The following MAN1B1 variants were observed in gnomAD, a reference collection of about 807,000 sequenced individuals.
The protein encoded by MAN1B1 is mannosidase alpha class 1B member 1, also known as endoplasmic reticulum mannosyl-oligosaccharide 1,2-alpha-mannosidase.
In MAN1B1, 66 loss-of-function variants were observed where a neutral mutation model predicts 75.5. The ratio of observed to expected loss-of-function variants is 0.87; its 90% confidence interval spans 0.72 to 1.07. The LOEUF (loss-of-function observed/expected upper bound fraction) is 1.07, where lower values mean the gene tolerates loss of function less well. MAN1B1 is among the 50% of genes least tolerant of loss of function. MAN1B1 has a pLI of 0.00. For missense variants in MAN1B1, 973 were observed against 912.5 expected, an observed-to-expected ratio of 1.07 and a Z score of -0.85; for synonymous variants, 453 against 382.8, an observed-to-expected ratio of 1.18 and a Z score of -2.14.
rs1351248313 is a variant in MAN1B1 at position 137,096,219 on chromosome 9, T to G, written c.466-18T>G. On this transcript the variant is annotated intron_variant, in intron 3 of 12. Transcript: ENST00000371589. ...CGCAGACACCCCGTGATTTCCTGTG[T>G]GACCAATTTCTCTACAGAAGACACA... 6.2e-7 allele frequency: 1 copy of G among 1,613,966 alleles called. No homozygotes were observed. Among genetic ancestry groups the G allele is most frequent in the South Asian group, 1.1e-5 (1 of 91,084 alleles).
intron 3 of MAN1B1, among the ~76,000 whole-genome samples, chr9:137,091,675 C>T (rs1434137941): frequency 5.3e-5 from 8 of 151,792 alleles, no homozygotes; most frequent in Non-Finnish European, 7.4e-5. Context: ...TACAGGTGCC[C>T]GCCACCACGC....
At chr9:137,108,121 GC>G (rs1288739093) in intron 12 of MAN1B1, 2 of 610,720 alleles carry the variant, frequency 3.3e-6, no homozygotes, top group Non-Finnish European at 5.8e-6. Flanking sequence ...TGTGCCCTGT[GC>G]CCTGTGCGGC....
In MAN1B1 at chr9:137,108,350, G is replaced by GC. The variant is rs765143161; in HGVS notation, c.1897-32dup. The GC allele has an allele frequency of 1.5e-5, 24 of 1,550,794 alleles. No homozygotes were observed. In the African/African-American group the frequency reaches 2.0e-4, roughly 13 times the overall value. On this transcript the variant is annotated intron_variant, in intron 12 of 12. Coordinates refer to ENST00000371589, the MANE Select transcript of MAN1B1 (RefSeq NM_016219.5). ...GATGAGGCTGAGGGGGGTGCAGGGT[G>GC]CCCCCCGTGTGGTGACGAGGCCCTG...
At chr9:137,103,327 T>G (rs1830957876) in intron 8 of MAN1B1, 18 of 438,744 alleles carry the variant, frequency 4.1e-5, no homozygotes, top group South Asian at 2.9e-4. Context: ...TGCAGGTCGG[T>G]GGTGTTACAC....
At chr9:137,095,122 A>T (rs1415171402) in intron 3 of MAN1B1, among the ~76,000 whole-genome samples, 3 of 151,888 alleles carry the variant, frequency 2.0e-5, no homozygotes, top group Non-Finnish European at 4.4e-5. Context: ...CAGGAGGTGG[A>T]GGTTGCAGTG....
Position 137,108,146 on chromosome 9 carries a change from CCT to C in MAN1B1, c.1897-241_1897-240del, listed in dbSNP as rs1414379283. ...GCCCTGTGCGGCAACTGTGAGGCCC[CCT>C]GAGCCCAGGTTCTGGGGGAGGCGGT... On this transcript the variant is annotated intron_variant, in intron 12 of 12. Coordinates refer to ENST00000371589, the MANE Select transcript of MAN1B1 (RefSeq NM_016219.5). 130 of 612,744 alleles carry C rather than the reference CCT, an allele frequency of 2.1e-4. 1 individual carries two copies. The South Asian group carries it at 2.3e-3, about 11-fold the overall frequency. 38.0% of individuals were successfully genotyped at this position (612,744 alleles called of 1,614,324 possible).
Position 137,107,622 on chromosome 9 carries a change from G to C in MAN1B1, c.1856G>C (p.Trp619Ser). 6.2e-7 allele frequency: 1 copy of C among 1,610,852 alleles called. No individual in the cohort carries two copies. Among genetic ancestry groups the C allele is most frequent in the Non-Finnish European group, 8.5e-7 (1 of 1,179,962 alleles). ...ACAGGGGACCGCAAATACCAGGACT[G>C]GGGCTGGGAGATTCTGCAGAGCTTC... ...RVTGDRKYQD[W>S]GWEILQSFSR... The change falls in exon 12 of 13, where the codon TGG becomes TCG. Residue 619 changes from tryptophan (W) to serine (S), a missense_variant. By Grantham distance (177) the Trp-to-Ser change is radical. Transcript: ENST00000371589.
chr9:137,088,058 C>T lies in MAN1B1; in HGVS notation c.220-17C>T, dbSNP rs751345474. The T allele has an allele frequency of 1.3e-5, 20 of 1,586,208 alleles. No individual in the cohort carries two copies. Among genetic ancestry groups the T allele is most frequent in the Non-Finnish European group, 1.7e-5 (20 of 1,154,630 alleles). ...GATATATTCAGTAAGAAATGTCATT[C>T]TCTGTACCTCCCTTAGAAATGGAAG... On this transcript the variant is annotated splice_polypyrimidine_tract_variant and intron_variant, in intron 1 of 12. Transcript: ENST00000371589.
chr9:137,088,210 C>G (rs751671591), intron 2 of MAN1B1, 27 bp downstream of exon 2: 1 of 1,613,832 alleles, frequency 6.2e-7, no homozygotes, highest in African/African-American at 1.3e-5. Flanking sequence ...TACTTGAAAA[C>G]GATATCTGTG....
chr9:137,101,128 G>C lies in MAN1B1; in HGVS notation c.1040G>C (p.Gly347Ala), dbSNP rs1329197260. Residue 347 changes from glycine to alanine, a missense_variant, in exon 7 of 13, where the codon GGG becomes GCG. Transcript: ENST00000371589. ...CTCCTGAGTGCCTACCACCTGTCTG[G>C]GGACAGCCTCTTCCTGAGGAAAGCT... ...GGLLSAYHLS[G>A]DSLFLRKAED... 6.2e-7 allele frequency: 1 copy of C among 1,613,908 alleles called. No homozygotes were observed. The highest frequency in any genetic ancestry group is 8.5e-7 in the Non-Finnish European group (1 of 1,180,022).
rs73668395 is a variant in MAN1B1 at position 137,102,382 on chromosome 9, G to T, written c.1254+710G>T. On this transcript the variant is annotated intron_variant, in intron 8 of 12. Transcript: ENST00000371589. ...ACATTCACGCTGTTGCAGACGTGCA[G>T]GTCAGTGCTGTTACACACGCTGTTG... 2,309 of 437,150 alleles carry T rather than the reference G, an allele frequency of 5.3e-3. 78 individuals carry two copies. The highest frequency in any genetic ancestry group is 0.045 in the African/African-American group (2,073 of 45,938). 27.1% of individuals were successfully genotyped at this position (437,150 alleles called of 1,614,324 possible).
chr9:137,102,829 T>G (rs1830904478), intron 8 of MAN1B1: 1 of 293,594 alleles, frequency 3.4e-6, no homozygotes, highest in Non-Finnish European at 6.4e-6. Flanking sequence ...TCGGTGGTGT[T>G]ACACACATTC....
In MAN1B1 at chr9:137,106,733, A is replaced by C. The variant is rs1432400095; in HGVS notation, c.1490A>C (p.His497Pro). The stretch of plus-strand genomic sequence containing the variant: ...GAAGCCATCGAGGGTGTCAGAACGC[A>C]CCTGCTGCGGCACTCCGAGCCCAGT... ...YVEAIEGVRT[H>P]LLRHSEPSKL... Residue 497 changes from histidine to proline, a missense_variant, in exon 10 of 13, where the codon CAC becomes CCC. Transcript: ENST00000371589. 1 of 1,613,318 alleles carries C rather than the reference A, an allele frequency of 6.2e-7. No individual in the cohort carries two copies. The highest frequency in any genetic ancestry group is 8.5e-7 in the Non-Finnish European group (1 of 1,179,998).
Position 137,106,181 on chromosome 9 carries a change from GC to G in MAN1B1, c.1312del (p.Leu438TrpfsTer33). 6.2e-7 allele frequency: 1 copy of G among 1,612,792 alleles called. No homozygotes were observed. The highest frequency in any genetic ancestry group is 8.5e-7 in the Non-Finnish European group (1 of 1,179,864). On this transcript the variant is annotated frameshift_variant, in exon 9 of 13. Coordinates refer to ENST00000371589, the MANE Select transcript of MAN1B1 (RefSeq NM_016219.5). LOFTEE classifies it high-confidence loss of function. ...ACGGCCTGTCTGGGAAGAAGGATGG[GC>G]TGGTGCCCATGTTCATCAATACCCA... Reference protein sequence around the residue: ...IHGLSGKKDGLVPMFINTHSG... With the variant: ...IHGLSGKKDGXVPMFINTHSG...
chr9:137,091,521 A>ATT (rs964752016), intron 3 of MAN1B1, among the ~76,000 whole-genome samples: 3,738 of 89,766 alleles, frequency 0.042, 158 homozygotes, highest in South Asian at 0.1. Context: ...TTTGTTTTAT[A>ATT]TTTTTTTTTT....
At chr9:137,096,501 G>A in intron 4 of MAN1B1, 110 bp downstream of exon 4, 1 of 1,386,874 alleles carries the variant, frequency 7.2e-7, no homozygotes, top group Non-Finnish European at 1.0e-6. Flanking sequence ...GAAACTGACA[G>A]TGTATGCTCT....
At chr9:137,101,930 C>T (rs1830828500) in intron 8 of MAN1B1, 1 of 572,662 alleles carries the variant, frequency 1.7e-6, no homozygotes, top group Admixed American at 2.3e-5. Flanking sequence ...GTGTTACACA[C>T]ATTTGGGCTG....
chr9:137,091,349 CT>C (rs1273579181), intron 3 of MAN1B1, among the ~76,000 whole-genome samples: 1 of 152,078 alleles, frequency 6.6e-6, no homozygotes, highest in African/African-American at 2.4e-5. Flanking sequence ...ATATTTCTGT[CT>C]TTCTCAAGCA....
intron 3 of MAN1B1, chr9:137,094,469 G>T: frequency 2.4e-6 from 1 of 410,330 alleles, no homozygotes; most frequent in East Asian, 6.6e-5. Flanking sequence ...AGTGGAACTA[G>T]TGGCTCACAT....
Sources: allele counts gnomAD v4.1 joint callset (sites outside exome capture counted in the v4.1 genomes callset), GRCh38; gene constraint gnomAD v4.1.1; transcripts MANE v1.5; gene names NCBI Gene and HGNC (gene_info 2026-07-23, HGNC 2026-07-21).